Variants in RUNX1T1 observed in about 807,000 individuals in gnomAD.
RUNX1T1 encodes the protein protein CBFA2T1.
A neutral mutation model predicts 62.8 loss-of-function variants in RUNX1T1; 4 were observed. The ratio of observed to expected loss-of-function variants is 0.06; its 90% CI spans 0.03 to 0.15. The LOEUF (loss-of-function observed/expected upper bound fraction) is 0.15. RUNX1T1 is among the 10% of genes least tolerant of loss of function. The pLI, the probability that RUNX1T1 is intolerant of heterozygous loss-of-function variation, is 1.00. For synonymous variants in RUNX1T1, 291 were observed against 286.0 expected, an observed-to-expected ratio of 1.02 and a Z score of -0.18; for missense variants, 508 against 754.3, an observed-to-expected ratio of 0.67 and a Z score of 3.82.
At chr8:92,093,096 T>G (rs1837283702) in intron 1 of RUNX1T1, among the ~76,000 whole-genome samples, 2 of 152,156 alleles carry the variant, frequency 1.3e-5, no homozygotes, top group African/African-American at 4.8e-5. Flanking sequence ...TTCTGAAAAT[T>G]TACACATGGC....
At chr8:92,021,313 T>A (rs1178860799) in intron 1 of RUNX1T1, among the ~76,000 whole-genome samples, 2 of 152,060 alleles carry the variant, frequency 1.3e-5, no homozygotes, top group Non-Finnish European at 2.9e-5. Context: ...CAAATACAGT[T>A]CTGAAAATGA....
intron 1 of RUNX1T1, among the ~76,000 whole-genome samples, chr8:92,057,811 G>A (rs1490027629): frequency 6.6e-6 from 1 of 152,156 alleles, no homozygotes; most frequent in African/African-American, 2.4e-5. Flanking sequence ...TATTCCTCTA[G>A]ATATGGTTAG....
intron 1 of RUNX1T1, among the ~76,000 whole-genome samples, chr8:92,044,554 T>C (rs1189372730): frequency 1.3e-5 from 2 of 152,232 alleles, no homozygotes; most frequent in Non-Finnish European, 2.9e-5. Context: ...AAACTCATGT[T>C]CCATTGCGGG....
intron 1 of RUNX1T1, among the ~76,000 whole-genome samples, chr8:92,044,803 T>C (rs983779991): frequency 2.0e-5 from 3 of 152,192 alleles, no homozygotes; most frequent in Non-Finnish European, 2.9e-5. Flanking sequence ...AAATCATACC[T>C]AGTTTTGTTT....
At chr8:92,060,610 C>T (rs1172066062) in intron 1 of RUNX1T1, among the ~76,000 whole-genome samples, 1 of 141,110 alleles carries the variant, frequency 7.1e-6, no homozygotes, top group Non-Finnish European at 1.5e-5. Flanking sequence ...GTCATTTAAG[C>T]AGTAGATGAT....
intron 1 of RUNX1T1, among the ~76,000 whole-genome samples, chr8:92,076,586 A>T (rs539977458): frequency 6.6e-5 from 10 of 152,272 alleles, no homozygotes; most frequent in Admixed American, 2.0e-4. Context: ...TTGTTTCATT[A>T]TTCAAATTTT....
intron 5 of RUNX1T1, chr8:92,003,523 C>G (rs1441289226): frequency 2.6e-6 from 1 of 391,704 alleles, no homozygotes; most frequent in East Asian, 7.2e-5. Flanking sequence ...CTATCTAAAT[C>G]TTTCCCTGTT....
chr8:92,089,532 G>A (rs1321682990), intron 1 of RUNX1T1, among the ~76,000 whole-genome samples: 1 of 152,022 alleles, frequency 6.6e-6, no homozygotes, highest in African/African-American at 2.4e-5. Flanking sequence ...CCGGGGGTAT[G>A]GTGAATGCCT....
chr8:92,076,133 C>T (rs1834382396), exon 2 of RUNX1T1: 1 of 1,537,768 alleles, frequency 6.5e-7, no homozygotes, highest in African/African-American at 1.4e-5. Flanking sequence ...AGAGATCAAT[C>T]TTTTCTATTG....
chr8:91,973,746 C>T (rs968503851), intron 9 of RUNX1T1, among the ~76,000 whole-genome samples: 6 of 151,938 alleles, frequency 3.9e-5, no homozygotes, highest in Admixed American at 6.6e-5. Flanking sequence ...ACACTGAACA[C>T]TAGAAATGCC....
At chr8:91,970,043 TTGTGTG>T (rs1554595113) in intron 10 of RUNX1T1, among the ~76,000 whole-genome samples, 3 of 142,716 alleles carry the variant, frequency 2.1e-5, no homozygotes, top group African/African-American at 8.0e-5. Flanking sequence ...TGTGTGTGTG[TTGTGTG>T]TGTGTGTGTG....
At chr8:92,075,393 A>C (rs1301735537) in intron 2 of RUNX1T1, among the ~76,000 whole-genome samples, 1 of 152,240 alleles carries the variant, frequency 6.6e-6, no homozygotes. Flanking sequence ...ATGGCAATAC[A>C]TTTAGTTTAT....
intron 1 of RUNX1T1, among the ~76,000 whole-genome samples, chr8:92,096,287 CTA>C (rs1837738496): frequency 6.6e-6 from 1 of 152,138 alleles, no homozygotes. Context: ...ATCTGAGAGT[CTA>C]TTTTGGAGGT....
chr8:92,058,836 C>G (rs1479269024), intron 1 of RUNX1T1, among the ~76,000 whole-genome samples: 1 of 152,088 alleles, frequency 6.6e-6, no homozygotes, highest in Non-Finnish European at 1.5e-5. Flanking sequence ...GTCTACTAAG[C>G]AAATGTTTAC....
chr8:92,008,388 T>TCTCTCACA (rs1554617950), intron 4 of RUNX1T1, among the ~76,000 whole-genome samples: 4 of 131,898 alleles, frequency 3.0e-5, no homozygotes, highest in East Asian at 4.4e-4. Context: ...TCTCTCTCTC[T>TCTCTCACA]CACACACACA....
At chr8:92,056,764 G>A (rs1423750622) in intron 1 of RUNX1T1, among the ~76,000 whole-genome samples, 1 of 152,096 alleles carries the variant, frequency 6.6e-6, no homozygotes, top group African/African-American at 2.4e-5. Flanking sequence ...CAAAAAACGT[G>A]CTTTTTTTTA....
chr8:92,060,022 T>C (rs992688764), intron 1 of RUNX1T1, among the ~76,000 whole-genome samples: 1 of 152,282 alleles, frequency 6.6e-6, no homozygotes, highest in Non-Finnish European at 1.5e-5. Flanking sequence ...CATATGTTCT[T>C]TGATAATATT....
At position 91,978,498 on chromosome 8, in the gene RUNX1T1, G is replaced by A. The variant is rs554020584; in HGVS notation, c.1199-2525C>T. Among the ~76,000 whole-genome samples, 6 of 152,204 alleles carry A rather than the reference G, an allele frequency of 3.9e-5. No homozygotes were observed. In the South Asian group the frequency reaches 1.2e-3, roughly 32 times the overall value. On this transcript the variant is annotated intron_variant, in intron 8 of 10. Transcript: ENST00000396218. ...TTTAAAGTTTATCTTTTCTCTCAATGTTAAAAATCCAAATACCACAAATTT... is the reference window on the plus strand; with the variant it reads ...TTTAAAGTTTATCTTTTCTCTCAATATTAAAAATCCAAATACCACAAATTT...
intron 5 of RUNX1T1, among the ~76,000 whole-genome samples, chr8:91,999,043 T>G (rs1338496818): frequency 1.3e-5 from 2 of 152,338 alleles, no homozygotes; most frequent in African/African-American, 4.8e-5. Flanking sequence ...GTATGTGTAA[T>G]GCACTATCCT....
Sources: gnomAD v4.1 joint callset for allele counts (sites outside exome capture counted in the v4.1 genomes callset) on GRCh38, gnomAD v4.1.1 for gene constraint, MANE v1.5 for transcripts, NCBI Gene and HGNC (gene_info 2026-07-23, HGNC 2026-07-21) for gene names.